The following GRID2IP variants were observed in gnomAD, a reference collection of about 807,000 sequenced individuals.
GRID2IP encodes delphilin.
A neutral mutation model predicts 114.3 loss-of-function variants in GRID2IP; 78 were observed. The ratio of observed to expected loss-of-function variants is 0.68; its 90% CI spans 0.57 to 0.82. The LOEUF (loss-of-function observed/expected upper bound fraction) is 0.82, where lower values mean the gene tolerates loss of function less well. Ranked by LOEUF, GRID2IP falls within the 40% of genes least tolerant of loss-of-function variation. The pLI is 0.00. For synonymous variants in GRID2IP, 809 were observed against 724.0 expected (o/e 1.12, Z -1.89); for missense variants, 1,727 against 1,678.5 (o/e 1.03, Z -0.51).
chr7:6,500,359 G>A (rs1284686092), intron 20 of GRID2IP, among the ~76,000 whole-genome samples: 1 of 152,134 alleles, frequency 6.6e-6, no homozygotes, highest in African/African-American at 2.4e-5. Context: ...AGCTACTCGG[G>A]AGGCTGAGGC....
rs750118370 is a variant in GRID2IP at position 6,506,679 on chromosome 7, G to GTTT, written c.2545-773_2545-772insAAA. On this transcript the variant is annotated intron_variant, in intron 13 of 21. Coordinates refer to ENST00000457091, the MANE Select transcript of GRID2IP (RefSeq NM_001145118.2). The surrounding 1 kb of genome is among the most constrained non-coding windows in gnomAD (Gnocchi z 5.2). Reference sequence around the variant, plus strand: ...TTATTTGTGCCCTTGTCTCACTGAGGTATTTTTTTTTTTTTTTTTTTAGAT... The same window carrying GTTT: ...TTATTTGTGCCCTTGTCTCACTGAGGTTTTATTTTTTTTTTTTTTTTTTTAGAT... Among the ~76,000 whole-genome samples, 10 of 127,292 alleles carry GTTT rather than the reference G, an allele frequency of 7.9e-5. 2 individuals are homozygous for GTTT. The highest frequency in any genetic ancestry group is 8.5e-5 in the African/African-American group (3 of 35,288). 83.5% of individuals were successfully genotyped at this position (127,292 alleles called of 152,430 possible).
In GRID2IP at chr7:6,508,060, A is replaced by G. The variant is rs1047520031; in HGVS notation, c.2469T>C (p.Ser823=). The change falls in exon 13 of 22, where the codon AGT becomes AGC. Residue 823 remains serine, a synonymous_variant. Transcript: ENST00000457091. This position sits in a 1 kb window ranked among gnomAD's most constrained non-coding sequence, Gnocchi z 5.6. The stretch of plus-strand genomic sequence containing the variant: ...GCTTGACGCTCATGTGGCTGGTCTC[A>G]CTGCGCCGGTGGCCCAGGCCCCGGG... ...MLSRGLGHRR[S]ETSHMSVKRL... is the part of the protein sequence containing the mutation. The G allele has an allele frequency of 6.5e-7, 1 of 1,543,596 alleles. No individual in the cohort carries two copies.
chr7:6,528,939 C>G lies in GRID2IP; in HGVS notation c.585-2170G>C, dbSNP rs374239321. 3.9e-5 allele frequency among the ~76,000 whole-genome samples: 6 copies of G among 152,154 alleles called. No individual in the cohort carries two copies. Among genetic ancestry groups the G allele is most frequent in the African/African-American group, 1.2e-4 (5 of 41,426 alleles). ...TCATTTAAGGTCTCCAGAGCCTGAC[C>G]GCTCCATCTGCCAGGCCTGCACATT... On this transcript the variant is annotated intron_variant, in intron 2 of 21. Transcript: ENST00000457091. The surrounding 1 kb of genome is among the most constrained non-coding windows in gnomAD (Gnocchi z 6.0).
chr7:6,527,302 C>G (rs544536626), intron 2 of GRID2IP, among the ~76,000 whole-genome samples: 2 of 152,298 alleles, frequency 1.3e-5, no homozygotes, highest in Non-Finnish European at 2.9e-5. Context: ...GCAGGAACCC[C>G]GTTTCTGCCA....
At chr7:6,539,315 T>C (rs1348566356) in intron 2 of GRID2IP, among the ~76,000 whole-genome samples, 1 of 152,008 alleles carries the variant, frequency 6.6e-6, no homozygotes, top group Non-Finnish European at 1.5e-5. Flanking sequence ...TTTATAGACA[T>C]GGGGTCTTTC....
chr7:6,514,038 G>A (rs1779239900), intron 8 of GRID2IP, among the ~76,000 whole-genome samples: 1 of 151,898 alleles, frequency 6.6e-6, no homozygotes, highest in Non-Finnish European at 1.5e-5. Flanking sequence ...TGGATCATGA[G>A]GTCAGGAGAT....
At chr7:6,502,238 T>C in intron 18 of GRID2IP, 120 bp from the exon 19 acceptor site, 1 of 930,048 alleles carries the variant, frequency 1.1e-6, no homozygotes, top group East Asian at 2.6e-5. Context: ...CCCACTTTTT[T>C]TTTAATAGCA....
intron 15 of GRID2IP, among the ~76,000 whole-genome samples, chr7:6,504,045 G>A (rs1278261102): frequency 1.3e-5 from 2 of 151,360 alleles, no homozygotes; most frequent in African/African-American, 4.9e-5. Flanking sequence ...TGAAGGGGCA[G>A]GGGACAAGGG....
rs1779398375 is a variant in GRID2IP at position 6,520,867 on chromosome 7, C to A, written c.1085-106G>T. ...GGAGACCTCCTGAGCTGGGGTGTGG[C>A]TGTCCAGTGCCATGCATGGGAAGGC... On this transcript the variant is annotated intron_variant, in intron 6 of 21. Coordinates refer to ENST00000457091, the MANE Select transcript of GRID2IP (RefSeq NM_001145118.2). The surrounding 1 kb of genome is among the most constrained non-coding windows in gnomAD (Gnocchi z 4.6). 6.6e-6 allele frequency: 7 copies of A among 1,060,134 alleles called. No homozygotes were observed. In the Admixed American group the frequency reaches 1.7e-4, roughly 26 times the overall value. The allele number at this position is 1,060,134 out of a possible 1,614,324, so 65.7% of individuals were successfully genotyped here.
chr7:6,504,021 T>C (rs1786500056), intron 15 of GRID2IP, among the ~76,000 whole-genome samples: 1 of 139,726 alleles, frequency 7.2e-6, no homozygotes, highest in Non-Finnish European at 1.5e-5. Flanking sequence ...TGGCCCAGGA[T>C]ACAGCGGGGA....
chr7:6,504,799 T>A lies in GRID2IP; in HGVS notation c.2704A>T (p.Asn902Tyr). 6.4e-7 allele frequency: 1 copy of A among 1,551,218 alleles called. No homozygotes were observed. The highest frequency in any genetic ancestry group is 8.7e-7 in the Non-Finnish European group (1 of 1,146,674). The change falls in exon 15 of 22, where the codon AAC becomes TAC. Residue 902 changes from asparagine to tyrosine, a missense_variant. By Grantham distance (143) the Asn-to-Tyr change is moderately radical. Coordinates refer to ENST00000457091, the MANE Select transcript of GRID2IP (RefSeq NM_001145118.2). ...VEILSHKKAYNTSILLAHLKL... is the reference protein window; with the variant it reads ...VEILSHKKAYYTSILLAHLKL... ...GGGTTCCCCGGACCCTCACAGGTGT[T>A]GTAGGCCTTCTTATGGGACAGGATC...
rs765791892 is a variant in GRID2IP, at chr7:6,502,745, G to A, written c.3150+41C>T. ...TAGGCCTGGCGTTAGCGCCTTGCTG[G>A]TAGAGCAAACCAGTCGATTGCTGCC... On this transcript the variant is annotated intron_variant, in intron 18 of 21. Coordinates refer to ENST00000457091, the MANE Select transcript of GRID2IP (RefSeq NM_001145118.2). 3.5e-6 allele frequency: 5 copies of A among 1,444,270 alleles called. No homozygotes were observed. In the South Asian group the frequency reaches 4.9e-5, roughly 14 times the overall value. The allele number at this position is 1,444,270 out of a possible 1,614,324, so 89.5% of individuals were successfully genotyped here.
chr7:6,503,284 A>C (rs1463121637), intron 16 of GRID2IP, 121 bp from the exon 17 acceptor site: 6 of 1,154,674 alleles, frequency 5.2e-6, no homozygotes, highest in Non-Finnish European at 7.2e-6. Flanking sequence ...TCCGGTAGGA[A>C]GAATAAGCAC....
At chr7:6,502,757 A>G in intron 18 of GRID2IP, 29 bp downstream of exon 18, 1 of 1,506,258 alleles carries the variant, frequency 6.6e-7, no homozygotes, top group Non-Finnish European at 9.0e-7. Flanking sequence ...AGAGCAAACC[A>G]GTCGATTGCT....
chr7:6,503,742 A>T (rs2115354593), intron 15 of GRID2IP, 55 bp from the exon 16 acceptor site: 1 of 1,332,980 alleles, frequency 7.5e-7, no homozygotes, highest in Non-Finnish European at 9.8e-7. Context: ...GCCGGATGGG[A>T]CCCAAGACGG....
chr7:6,500,674 C>T (rs757425065), intron 20 of GRID2IP, among the ~76,000 whole-genome samples: 3 of 152,232 alleles, frequency 2.0e-5, no homozygotes, highest in South Asian at 2.1e-4. Context: ...GGGGCTTTCA[C>T]CACCTACTGC....
chr7:6,510,674 G>C lies in GRID2IP; in HGVS notation c.1588C>G (p.Leu530Val), dbSNP rs757271088. The change falls in exon 10 of 22, where the codon CTG (leucine) becomes GTG (valine). Residue 530 changes from leucine (L) to valine (V), a missense_variant. Physicochemically the swap from Leu to Val is conservative, Grantham distance 32 (BLOSUM62 1). Coordinates refer to ENST00000457091, the MANE Select transcript of GRID2IP (RefSeq NM_001145118.2). ...CCTGCCTGGCGCTCGCCTGGGATCA[G>C]GGGAAGAGGCATCTCAGGGCACTCG... ...PSECPEMPLP[L>V]IPGERQAGDG... The C allele has an allele frequency of 3.3e-5, 51 of 1,545,452 alleles. No homozygotes were observed. The highest frequency in any genetic ancestry group is 4.3e-5 in the Non-Finnish European group (49 of 1,145,140).
In GRID2IP at chr7:6,503,175, G is replaced by A. The variant is rs1303761194; in HGVS notation, c.2908-12C>T. The A allele has an allele frequency of 1.4e-6, 2 of 1,476,400 alleles. No individual in the cohort carries two copies. Among genetic ancestry groups the A allele is most frequent in the Admixed American group, 2.2e-5 (1 of 45,652 alleles). The allele number at this position is 1,476,400 out of a possible 1,614,324, so 91.5% of individuals were successfully genotyped here. A position where few individuals can be genotyped will look rare whatever the true frequency, so the allele number is the denominator to read the frequency against. On this transcript the variant is annotated splice_polypyrimidine_tract_variant and intron_variant, in intron 16 of 21. Coordinates refer to ENST00000457091, the MANE Select transcript of GRID2IP (RefSeq NM_001145118.2). ...GGAACTGACAGCATCTGCCTCGAAGGCAGAGCCAGGATTCACCCATCCCCT... is the reference window on the plus strand; with the variant it reads ...GGAACTGACAGCATCTGCCTCGAAGACAGAGCCAGGATTCACCCATCCCCT...
chr7:6,536,913 G>A lies in GRID2IP; in HGVS notation c.584+2805C>T. The A allele has an allele frequency of 1.5e-6, 1 of 648,106 alleles. No individual in the cohort carries two copies. The highest frequency in any genetic ancestry group is 2.8e-6 in the Non-Finnish European group (1 of 358,684). 40.1% of individuals were successfully genotyped at this position (648,106 alleles called of 1,614,324 possible). A position where few individuals can be genotyped will look rare whatever the true frequency, so the allele number is the denominator to read the frequency against. On this transcript the variant is annotated intron_variant, in intron 2 of 21. Transcript: ENST00000457091. This position sits in a 1 kb window ranked among gnomAD's most constrained non-coding sequence, Gnocchi z 5.3. The stretch of plus-strand genomic sequence containing the variant: ...CCGAGAGCTGCGCCGGGGCTGGGGT[G>A]GGCGGGGGGGCGGCGGGGAGGGTGG...
Sources: gnomAD v4.1 joint callset for allele counts (sites outside exome capture counted in the v4.1 genomes callset) on GRCh38, gnomAD v4.1.1 for gene constraint, Gnocchi (gnomAD v3.1) non-coding constraint, MANE v1.5 for transcripts, NCBI Gene and HGNC (gene_info 2026-07-23, HGNC 2026-07-21) for gene names.